NRG1: variants seen among roughly 807,000 people sequenced by gnomAD.
The protein encoded by NRG1 is pro-neuregulin-1, membrane-bound isoform.
NRG1 carries 18 observed loss-of-function variants against 63.8 expected under a neutral mutation model. The observed-to-expected ratio is 0.28, with a 90% CI of 0.19 to 0.42. NRG1 has a LOEUF of 0.42. Among genes scored for constraint, NRG1 ranks in the 10% least tolerant of loss-of-function variants. NRG1 has a pLI of 1.00. For synonymous variants in NRG1, 302 were observed against 301.3 expected (o/e 1.00, Z -0.02); for missense variants, 762 against 814.7 (o/e 0.94, Z 0.79).
chr8:32,025,943 C>CT (rs1817232128), intron 1 of NRG1, among the ~76,000 whole-genome samples: 1 of 90,126 alleles, frequency 1.1e-5, no homozygotes, highest in South Asian at 3.5e-4. Flanking sequence ...GAGACTCCGT[C>CT]TAAAAAAAAA....
chr8:32,365,145 C>T (rs28373453), intron 1 of NRG1, among the ~76,000 whole-genome samples: 20,131 of 151,844 alleles, frequency 0.13, 1,600 homozygotes, highest in Middle Eastern at 0.21. Context: ...GCCTTAGCTT[C>T]GTAAAGTGCT....
chr8:31,991,563 GATATAGT>G (rs1385726155), intron 1 of NRG1, among the ~76,000 whole-genome samples: 2 of 151,868 alleles, frequency 1.3e-5, no homozygotes, highest in African/African-American at 4.8e-5. Flanking sequence ...TGAGTGCTAG[GATATAGT>G]ATTTGGAGAT....
intron 1 of NRG1, among the ~76,000 whole-genome samples, chr8:31,874,934 G>T (rs1285987790): frequency 6.6e-6 from 1 of 152,126 alleles, no homozygotes; most frequent in Non-Finnish European, 1.5e-5. Flanking sequence ...AATCATATTT[G>T]CCCTTCTAGA....
chr8:32,607,026 A>T (rs1845395189), intron 3 of NRG1, among the ~76,000 whole-genome samples: 2 of 152,154 alleles, frequency 1.3e-5, no homozygotes, highest in Non-Finnish European at 2.9e-5. Flanking sequence ...AAAGTTTATC[A>T]CTTTCATTTT....
chr8:31,685,922 T>C (rs1808838676), intron 1 of NRG1, among the ~76,000 whole-genome samples: 2 of 152,214 alleles, frequency 1.3e-5, no homozygotes, highest in South Asian at 4.1e-4. Flanking sequence ...GGGTTGCTTT[T>C]ACTTTTTGCT....
At chr8:32,241,138 G>T (rs755762453) in intron 1 of NRG1, among the ~76,000 whole-genome samples, 20 of 152,094 alleles carry the variant, frequency 1.3e-4, no homozygotes, top group Non-Finnish European at 2.6e-4. Context: ...GATTCACTAG[G>T]TCTGGGGGTG....
rs888542562 is a variant in NRG1, at chr8:32,059,396, A to G, written c.37+419965A>G. The stretch of plus-strand genomic sequence containing the variant: ...TCCTAAGTTTGGTGTTATTGGTGCT[A>G]TCAATCTTCTTGGTTAGATCTGATA... On this transcript the variant is annotated intron_variant, in intron 1 of 10. Transcript: ENST00000519301. Among the ~76,000 whole-genome samples the G allele has an allele frequency of 3.3e-5, 5 of 152,060 alleles. No individual in the cohort carries two copies. In the South Asian group the frequency reaches 1.0e-3, roughly 32 times the overall value.
intron 1 of NRG1, among the ~76,000 whole-genome samples, chr8:32,077,367 C>T (rs913218577): frequency 5.3e-5 from 8 of 151,860 alleles, no homozygotes; most frequent in African/African-American, 9.7e-5. Context: ...ACTTCATCCC[C>T]TCCCCCCCAA....
At chr8:32,428,824 T>A (rs185752347) in intron 1 of NRG1, among the ~76,000 whole-genome samples, 7 of 152,346 alleles carry the variant, frequency 4.6e-5, no homozygotes, top group Non-Finnish European at 7.3e-5. Context: ...TTTTGTTGGA[T>A]CTGGCCCTGT....
intron 5 of NRG1, among the ~76,000 whole-genome samples, chr8:32,693,519 T>C (rs1018623929): frequency 4.7e-5 from 7 of 148,380 alleles, no homozygotes; most frequent in Admixed American, 2.7e-4. Context: ...CCCGGCCAGG[T>C]CACTCATTTT....
At chr8:32,531,639 A>C (rs1455955269) in intron 1 of NRG1, among the ~76,000 whole-genome samples, 1 of 152,224 alleles carries the variant, frequency 6.6e-6, no homozygotes, top group Non-Finnish European at 1.5e-5. Context: ...AAACTTTTGC[A>C]ACTTACGAAA....
At chr8:31,787,040 C>A (rs1820240916) in intron 1 of NRG1, among the ~76,000 whole-genome samples, 3 of 152,094 alleles carry the variant, frequency 2.0e-5, no homozygotes, top group African/African-American at 7.2e-5. Flanking sequence ...TGAAGCTACC[C>A]AAGACTGGCA....
At chr8:31,809,707 A>C (rs926679716) in intron 1 of NRG1, among the ~76,000 whole-genome samples, 1 of 86,914 alleles carries the variant, frequency 1.2e-5, no homozygotes, top group African/African-American at 4.4e-5. Context: ...CATTATTCCT[A>C]TTTCAAGATT....
intron 1 of NRG1, among the ~76,000 whole-genome samples, chr8:32,293,725 T>TTC (rs1854498378): frequency 7.0e-6 from 1 of 143,852 alleles, no homozygotes; most frequent in African/African-American, 2.6e-5. Flanking sequence ...CTTCTTTTTT[T>TTC]TTTTTTTTTT....
intron 1 of NRG1, among the ~76,000 whole-genome samples, chr8:32,564,784 G>A (rs1214110054): frequency 6.6e-6 from 1 of 152,076 alleles, no homozygotes; most frequent in Non-Finnish European, 1.5e-5. Flanking sequence ...CCTATGGCTG[G>A]GCGTGGTGGC....
chr8:32,057,831 G>T (rs1160658129), intron 1 of NRG1, among the ~76,000 whole-genome samples: 1 of 152,050 alleles, frequency 6.6e-6, no homozygotes, highest in South Asian at 2.1e-4. Flanking sequence ...GTCCTCCTGG[G>T]CTTTGTCCTT....
intron 1 of NRG1, among the ~76,000 whole-genome samples, chr8:31,804,685 T>A: frequency 6.6e-6 from 1 of 152,120 alleles, no homozygotes; most frequent in East Asian, 1.9e-4. Flanking sequence ...GAAGCTGACT[T>A]TTTTCTTCTA....
chr8:32,342,087 G>A (rs180904163), intron 1 of NRG1, among the ~76,000 whole-genome samples: 8 of 152,076 alleles, frequency 5.3e-5, no homozygotes, highest in Non-Finnish European at 1.2e-4. Flanking sequence ...TGATGTCAAA[G>A]ACTGTGTCAG....
At chr8:31,774,501 T>C (rs1387076774) in intron 1 of NRG1, among the ~76,000 whole-genome samples, 1 of 152,168 alleles carries the variant, frequency 6.6e-6, no homozygotes. Context: ...TAATAGTCTT[T>C]GAATGGGTGA....
Sources: gnomAD v4.1 joint callset for allele counts (sites outside exome capture counted in the v4.1 genomes callset) on GRCh38, gnomAD v4.1.1 for gene constraint, MANE v1.5 for transcripts, NCBI Gene and HGNC (gene_info 2026-07-23, HGNC 2026-07-21) for gene names.